The following CABLES1 variants were observed in gnomAD, a reference collection of about 807,000 sequenced individuals.
CABLES1 encodes the protein CDK5 and ABL1 enzyme substrate 1.
CABLES1 carries 36 observed loss-of-function variants against 57.8 expected under a neutral mutation model. That is an observed-to-expected ratio of 0.62 (90% CI 0.48 to 0.82). CABLES1 has a LOEUF of 0.82. CABLES1 is among the 40% of genes least tolerant of loss of function. CABLES1 has a pLI of 0.00. For synonymous variants in CABLES1, 374 were observed against 363.0 expected, an observed-to-expected ratio of 1.03 and a Z score of -0.35; for missense variants, 767 against 836.6, an observed-to-expected ratio of 0.92 and a Z score of 1.03.
At chr18:23,256,078 G>A (rs577873566) in intron 9 of CABLES1, among the ~76,000 whole-genome samples, 1 of 152,302 alleles carries the variant, frequency 6.6e-6, no homozygotes, top group African/African-American at 2.4e-5. Context: ...GGTTTGACCA[G>A]CCACTTACGG....
intron 1 of CABLES1, among the ~76,000 whole-genome samples, chr18:23,155,318 A>G (rs1429330069): frequency 6.6e-6 from 1 of 152,250 alleles, no homozygotes; most frequent in Non-Finnish European, 1.5e-5. Flanking sequence ...AGATGCCTGC[A>G]TTTCAGACAG....
chr18:23,155,705 C>T, intron 1 of CABLES1: 2 of 838,310 alleles, frequency 2.4e-6, no homozygotes, highest in Non-Finnish European at 3.5e-6. Flanking sequence ...CATGTGGTCT[C>T]CACGTGGCAG....
rs780220260 is a variant in CABLES1 at position 23,253,024 on chromosome 18, A to C, written c.1511A>C (p.Glu504Ala). 2 of 1,613,884 alleles carry C rather than the reference A, an allele frequency of 1.2e-6. No individual in the cohort carries two copies. Among genetic ancestry groups the C allele is most frequent in the Non-Finnish European group, 1.7e-6 (2 of 1,179,794 alleles). Residue 504 changes from glutamate (E) to alanine (A), a missense_variant, in exon 8 of 10, where the codon GAG becomes GCG. Glu to Ala is a moderately radical substitution (Grantham distance 107). Around this residue, in one of 4 missense-constraint regions of CABLES1, gnomAD observed 529 missense variants for 622.8 expected, o/e 0.85. Transcript: ENST00000256925. ...LKKDMNETFK[E>A]KFPHIKLTLS... ...AAGGACATGAACGAGACCTTCAAGG[A>C]GAAGTTTCCTCACATTAAGCTGACA...
intron 3 of CABLES1, among the ~76,000 whole-genome samples, chr18:23,207,859 G>A (rs1227201037): frequency 1.3e-5 from 2 of 152,282 alleles, no homozygotes; most frequent in East Asian, 1.9e-4. Flanking sequence ...TGGTGGTGGA[G>A]GTGGCAGTCA....
At chr18:23,216,567 G>T (rs2047443658) in intron 4 of CABLES1, among the ~76,000 whole-genome samples, 1 of 152,196 alleles carries the variant, frequency 6.6e-6, no homozygotes, top group Non-Finnish European at 1.5e-5. Context: ...TCATTGTGAA[G>T]AACTTGGGAG....
chr18:23,198,827 G>A (rs1184960310), intron 3 of CABLES1, among the ~76,000 whole-genome samples: 2 of 152,192 alleles, frequency 1.3e-5, no homozygotes, highest in South Asian at 2.1e-4. Flanking sequence ...AGCTCCATGA[G>A]TCCCATTTCC....
chr18:23,209,162 C>T (rs779510267), intron 3 of CABLES1, among the ~76,000 whole-genome samples: 1 of 152,222 alleles, frequency 6.6e-6, no homozygotes, highest in Non-Finnish European at 1.5e-5. Flanking sequence ...TGAAATCTCT[C>T]ACCCTCCCAC....
At chr18:23,199,838 T>C (rs1156830985) in intron 3 of CABLES1, among the ~76,000 whole-genome samples, 1 of 152,244 alleles carries the variant, frequency 6.6e-6, no homozygotes, top group Admixed American at 6.5e-5. Flanking sequence ...TTATGTTTTA[T>C]ATATGTGTAT....
intron 4 of CABLES1, among the ~76,000 whole-genome samples, chr18:23,228,118 G>C (rs184509176): frequency 6.6e-6 from 1 of 152,236 alleles, no homozygotes; most frequent in Non-Finnish European, 1.5e-5. Context: ...TTTTAAGAGA[G>C]TAATATTAAT....
intron 1 of CABLES1, among the ~76,000 whole-genome samples, chr18:23,181,023 C>T (rs1028002007): frequency 1.2e-4 from 18 of 152,080 alleles, no homozygotes; most frequent in African/African-American, 3.9e-4. Flanking sequence ...GTGACTAAGT[C>T]GGTAAAGGAG....
chr18:23,237,310 CGG>C, intron 7 of CABLES1, 65 bp downstream of exon 7: 1 of 1,090,356 alleles, frequency 9.2e-7, no homozygotes, highest in Non-Finnish European at 1.4e-6. Context: ...GGTTGGTGGC[CGG>C]CTGGGGGCTT....
Position 23,257,420 on chromosome 18 carries a change from C to T in CABLES1, c.*53C>T. ...ATTTCTTCTCAGCTTGGTGGAGCAG[C>T]ACTTACTTACTACTGGAAATGAAAA... On this transcript the variant is annotated 3_prime_UTR_variant, in exon 10 of 10. Transcript: ENST00000256925. 6.6e-7 allele frequency: 1 copy of T among 1,518,712 alleles called. No homozygotes were observed. The highest frequency in any genetic ancestry group is 8.8e-7 in the Non-Finnish European group (1 of 1,133,834). 94.1% of individuals were successfully genotyped at this position (1,518,712 alleles called of 1,614,324 possible). A position where few individuals can be genotyped will look rare whatever the true frequency, so the allele number is the denominator to read the frequency against.
rs76966865 is a variant in CABLES1, at chr18:23,156,984, C to T, written c.845+20377C>T. ...AGGCATGTAGCCTTGGTCACCTCAA[C>T]TAGGAATCTGTGTGTTGGGTGACTC... On this transcript the variant is annotated intron_variant, in intron 1 of 9. Transcript: ENST00000256925. Among the ~76,000 whole-genome samples the T allele has an allele frequency of 6.6e-5, 10 of 152,306 alleles. No homozygotes were observed. The East Asian group carries it at 1.9e-3, about 29-fold the overall frequency.
intron 1 of CABLES1, among the ~76,000 whole-genome samples, chr18:23,185,469 C>T (rs113407697): frequency 7.4e-6 from 1 of 135,694 alleles, no homozygotes. Flanking sequence ...GTGTTCCTGA[C>T]AGGGCTCACG....
At chr18:23,168,063 G>A (rs1432608377) in intron 1 of CABLES1, among the ~76,000 whole-genome samples, 2 of 152,208 alleles carry the variant, frequency 1.3e-5, no homozygotes, top group African/African-American at 4.8e-5. Flanking sequence ...GGCCCCTCAG[G>A]GCGATCTGAG....
upstream of CABLES1, chr18:23,135,437 G>C (rs2046810319): frequency 6.6e-6 from 1 of 152,252 alleles, no homozygotes. Flanking sequence ...TGGAGCGCGA[G>C]CGCGGGGCGC....
At chr18:23,232,662 G>A (rs367553307) in intron 4 of CABLES1, among the ~76,000 whole-genome samples, 129 of 152,244 alleles carry the variant, frequency 8.5e-4, no homozygotes, top group African/African-American at 2.8e-3. Flanking sequence ...CTTTGGTGTC[G>A]ATTCTGAACG....
At chr18:23,256,649 T>G (rs1225034098) in intron 9 of CABLES1, among the ~76,000 whole-genome samples, 1 of 151,696 alleles carries the variant, frequency 6.6e-6, no homozygotes, top group Non-Finnish European at 1.5e-5. Context: ...CCCGGCTCAT[T>G]TTTGTTATTT....
In CABLES1 at chr18:23,148,076, G is replaced by A. The variant is rs182624690; in HGVS notation, c.845+11469G>A. ...GTGATCTCGGCTTACTGCAGGCTCC[G>A]CCTCCTGGATTCACGCCATTCTGCT... On this transcript the variant is annotated intron_variant, in intron 1 of 9. Transcript: ENST00000256925. Among the ~76,000 whole-genome samples, 408 of 138,878 alleles carry A rather than the reference G, an allele frequency of 2.9e-3. 3 individuals are homozygous for A. The highest frequency in any genetic ancestry group is 3.7e-3 in the Admixed American group (46 of 12,300). The allele number at this position is 138,878 out of a possible 152,430, so 91.1% of individuals were successfully genotyped here.
Sources: gnomAD v4.1 joint callset for allele counts (sites outside exome capture counted in the v4.1 genomes callset) on GRCh38, gnomAD v4.1.1 for gene constraint, gnomAD v4.1.1 regional missense constraint, MANE v1.5 for transcripts, NCBI Gene and HGNC (gene_info 2026-07-23, HGNC 2026-07-21) for gene names.